Variants in MYH7 observed in about 807,000 individuals in gnomAD.
The protein encoded by MYH7 is myosin heavy chain 7, also known as myosin-7.
Under a neutral mutation model 225.4 loss-of-function variants are expected in MYH7, and 129 were observed. The ratio of observed to expected loss-of-function variants is 0.57; its 90% CI spans 0.50 to 0.66. The LOEUF (loss-of-function observed/expected upper bound fraction) is 0.66. MYH7 is among the 30% of genes least tolerant of loss of function. The pLI is 0.00. For synonymous variants in MYH7, 971 were observed against 1,007.6 expected (o/e 0.96, Z 0.69); for missense variants, 1,649 against 2,517.0 (o/e 0.66, Z 7.38).
In MYH7 at chr14:23,431,468, C is replaced by T. The variant is rs3218713; in HGVS notation, c.746G>A (p.Arg249Gln). 1 of 1,614,188 alleles carries T rather than the reference C, an allele frequency of 6.2e-7. No homozygotes were observed. Residue 249 changes from arginine to glutamine, a missense_variant, in exon 9 of 40, where the codon CGA (arginine) becomes CAA (glutamine). Around this residue, in one of 12 missense-constraint regions of MYH7, gnomAD observed 131 missense variants for 231.3 expected, o/e 0.57. Coordinates refer to ENST00000355349, the MANE Select transcript of MYH7 (RefSeq NM_000257.4). Reference protein sequence around the residue: ...DNSSRFGKFIRIHFGATGKLA... With the variant: ...DNSSRFGKFIQIHFGATGKLA... Reference sequence around the variant, plus strand: ...CTTTCCTGTTGCCCCAAAATGAATTCGAATGAATTTCCCCTGGAGAGATGG... The same window carrying T: ...CTTTCCTGTTGCCCCAAAATGAATTTGAATGAATTTCCCCTGGAGAGATGG...
intron 17 of MYH7, 51 bp downstream of exon 17, chr14:23,427,189 T>TGGGGTTGGGGGGGGGGGGGG: frequency 9.2e-7 from 1 of 1,086,078 alleles, no homozygotes; most frequent in Admixed American, 2.7e-5. Flanking sequence ...TGGGGCTGGG[T>TGGGGTTGGGGGGGGGGGGGG]GGGGTTGGGC....
intron 6 of MYH7, among the ~76,000 whole-genome samples, chr14:23,432,093 G>C (rs552769561): frequency 6.6e-6 from 1 of 152,236 alleles, no homozygotes; most frequent in Non-Finnish European, 1.5e-5. Flanking sequence ...GGCTGAGCCT[G>C]TGCTTGGCTG....
Position 23,428,958 on chromosome 14 carries a change from G to A in MYH7, c.1404C>T (p.Phe468=), listed in dbSNP as rs140218676. ...GVLDIAGFEI[F]DFNSFEQLCI... ...ACTCCCAGGGGTCCCAACTCACATC[G>A]AAGATCTCGAAGCCAGCGATGTCCA... Residue 468 remains phenylalanine (F), a synonymous_variant, in exon 14 of 40, where the codon TTC becomes TTT. Coordinates refer to ENST00000355349, the MANE Select transcript of MYH7 (RefSeq NM_000257.4). 30 of 1,614,168 alleles carry A rather than the reference G, an allele frequency of 1.9e-5. No individual in the cohort carries two copies. The highest frequency in any genetic ancestry group is 8.9e-5 in the East Asian group (4 of 44,866).
Position 23,433,675 on chromosome 14 carries a change from C to T in MYH7, c.58G>A (p.Glu20Lys). ...GAAAPYLRKS[E>K]KERLEAQTRP... ...GTCTGCGCTTCTAGCCGCTCCTTCT[C>T]TGACTTGCGCAGGTAGGGGGCGGCA... Residue 20 changes from glutamate to lysine, a missense_variant, in exon 3 of 40, where the codon GAG becomes AAG. Physicochemically the swap from Glu to Lys is moderately conservative, Grantham distance 56. Coordinates refer to ENST00000355349, the MANE Select transcript of MYH7 (RefSeq NM_000257.4). This position sits in a 1 kb window ranked among gnomAD's most constrained non-coding sequence, Gnocchi z 4.1. 1 of 1,614,264 alleles carries T rather than the reference C, an allele frequency of 6.2e-7. No homozygotes were observed. The highest frequency in any genetic ancestry group is 1.1e-5 in the South Asian group (1 of 91,092).
chr14:23,416,222 T>A lies in MYH7; in HGVS notation c.4735A>T (p.Lys1579Ter). Residue 1579 changes from lysine to a stop codon, truncating the protein, a stop_gained, in exon 34 of 40, where the codon AAG becomes TAG. Transcript: ENST00000355349. LOFTEE classifies it high-confidence loss of function. ...TTGGCCTGTTCCATCTCCTCGTCCT[T>A]CTCTGCCAGCTTCCGCTCGATCTCT... ...KAEIERKLAE[K>*]DEEMEQAKRN... 6.2e-7 allele frequency: 1 copy of A among 1,613,992 alleles called. No homozygotes were observed. The highest frequency in any genetic ancestry group is 8.5e-7 in the Non-Finnish European group (1 of 1,179,954).
At chr14:23,421,236 T>C (rs2138656795) in intron 25 of MYH7, among the ~76,000 whole-genome samples, 188 bp from the exon 26 acceptor site, 1 of 152,290 alleles carries the variant, frequency 6.6e-6, no homozygotes. Context: ...AAGAATGTAA[T>C]GGGAGGAGTG....
chr14:23,417,787 A>C, intron 30 of MYH7, 101 bp from the exon 31 acceptor site: 6 of 1,476,072 alleles, frequency 4.1e-6, no homozygotes, highest in Non-Finnish European at 4.6e-6. Context: ...TTGAAACCTC[A>C]GAAGTGTAGC....
rs958169569 is a variant in MYH7, at chr14:23,425,695, C to T, written c.2286G>A (p.Lys762=). The T allele has an allele frequency of 1.2e-6, 2 of 1,613,872 alleles. No individual in the cohort carries two copies. Among genetic ancestry groups the T allele is most frequent in the Non-Finnish European group, 1.7e-6 (2 of 1,179,872 alleles). ...TAATTAATTAGTCTCCTTTCCTCAC[C>T]TTGGTGTGGCCAAACTTGTACTGGT... is the stretch of plus-strand genomic sequence containing the variant. The part of the protein sequence containing the change: ...DHNQYKFGHT[K]VFFKAGLLGL... Residue 762 remains lysine, a splice_region_variant and synonymous_variant, in exon 20 of 40, where the codon AAG becomes AAA. Transcript: ENST00000355349. This position sits in a 1 kb window ranked among gnomAD's most constrained non-coding sequence, Gnocchi z 4.6.
In MYH7 at chr14:23,435,175, C is replaced by T. The variant is rs376398919; in HGVS notation, c.-65+445G>A. ...GCATGGACAGGGGTAGCTACACATTCCAGGCCTCACAGAATCACATGAAGG... is the reference window on the plus strand; with the variant it reads ...GCATGGACAGGGGTAGCTACACATTTCAGGCCTCACAGAATCACATGAAGG... On this transcript the variant is annotated intron_variant, in intron 1 of 39. Transcript: ENST00000355349. Among the ~76,000 whole-genome samples the T allele has an allele frequency of 6.8e-4, 104 of 152,168 alleles. 1 individual carries two copies. In the South Asian group the frequency reaches 0.011, roughly 16 times the overall value.
In MYH7 at chr14:23,415,052, T is replaced by C. The variant is rs1595071623; in HGVS notation, c.5502A>G (p.Ala1834=). 2 of 1,612,822 alleles carry C rather than the reference T, an allele frequency of 1.2e-6. No individual in the cohort carries two copies. The highest frequency in any genetic ancestry group is 1.7e-6 in the Non-Finnish European group (2 of 1,180,012). The change falls in exon 37 of 40, where the codon GCA becomes GCG. Residue 1834 remains alanine (A), a synonymous_variant. Transcript: ENST00000355349. This position sits in a 1 kb window ranked among gnomAD's most constrained non-coding sequence, Gnocchi z 6.3. ...NELEAEQKRN[A]ESVKGMRKSE... ...TCTTCCTCATGCCCTTCACCGACTC[T>C]GCGTTGCGCTTCTGCTCGGCCTCCA... is the stretch of plus-strand genomic sequence containing the variant.
chr14:23,432,690 G>T lies in MYH7; in HGVS notation c.451C>A (p.Pro151Thr). ...TCGGAGATGGAGAAGATGTGGGGCG[G>T]GGCCTCGCTCCTCTTCTTGCCCCGG... Reference protein sequence around the residue: ...AYRGKKRSEAPPHIFSISDNA... With the variant: ...AYRGKKRSEATPHIFSISDNA... The change falls in exon 5 of 40, where the codon CCG becomes ACG. Residue 151 changes from proline to threonine, a missense_variant. Physicochemically the swap from Pro to Thr is conservative, Grantham distance 38 (BLOSUM62 -1). Around this residue, in one of 12 missense-constraint regions of MYH7, gnomAD observed 77 missense variants for 144.0 expected, o/e 0.53. Transcript: ENST00000355349. The T allele has an allele frequency of 6.2e-7, 1 of 1,614,124 alleles. No homozygotes were observed. The highest frequency in any genetic ancestry group is 8.5e-7 in the Non-Finnish European group (1 of 1,180,034).
intron 30 of MYH7, 110 bp downstream of exon 30, chr14:23,418,100 T>G (rs1892302911): frequency 6.6e-7 from 1 of 1,520,200 alleles, no homozygotes; most frequent in Non-Finnish European, 9.1e-7. Flanking sequence ...CCTCCTGTGT[T>G]GTCAAACACT....
chr14:23,413,190 G>A (rs775476563), intron 39 of MYH7, among the ~76,000 whole-genome samples: 53 of 152,224 alleles, frequency 3.5e-4, no homozygotes, highest in Non-Finnish European at 6.0e-4. Flanking sequence ...CTGGAAACTA[G>A]CAGTTGGGGG....
At chr14:23,422,067 C>T in intron 25 of MYH7, 113 bp downstream of exon 25, 7 of 1,528,398 alleles carry the variant, frequency 4.6e-6, no homozygotes, top group Non-Finnish European at 4.5e-6. Context: ...TGGTTTGCGC[C>T]TCCACTTGTG....
intron 29 of MYH7, 55 bp from the exon 30 acceptor site, chr14:23,418,461 C>T: frequency 6.5e-7 from 1 of 1,535,188 alleles, no homozygotes; most frequent in Admixed American, 1.9e-5. Flanking sequence ...AAAGCAACCC[C>T]ACCCTTGCCC....
chr14:23,427,675 GA>G lies in MYH7; in HGVS notation c.1797del (p.Pro600LeufsTer56). The G allele has an allele frequency of 6.2e-7, 1 of 1,614,188 alleles. No homozygotes were observed. Among genetic ancestry groups the G allele is most frequent in the Non-Finnish European group, 8.5e-7 (1 of 1,180,046 alleles). On this transcript the variant is annotated frameshift_variant, in exon 16 of 40. Coordinates refer to ENST00000355349, the MANE Select transcript of MYH7 (RefSeq NM_000257.4). LOFTEE classifies it high-confidence loss of function. Reference protein sequence around the residue: ...NIIGWLQKNKDPLNETVVGLY... With the variant: ...NIIGWLQKNKXPLNETVVGLY... ...AAGCCCACGACAGTCTCATTGAGAGGATCCTTGTTCTTCTGCAGCCAGCCAA... is the reference window on the plus strand; with the variant it reads ...AAGCCCACGACAGTCTCATTGAGAGGTCCTTGTTCTTCTGCAGCCAGCCAA...
intron 9 of MYH7, 67 bp from the exon 10 acceptor site, chr14:23,431,066 G>A: frequency 5.9e-6 from 7 of 1,178,592 alleles, no homozygotes; most frequent in Non-Finnish European, 7.6e-6. Flanking sequence ...GAAAATTAAT[G>A]ATAAATGTAG....
chr14:23,430,810 AAC>A, intron 10 of MYH7, 89 bp downstream of exon 10: 1 of 1,278,818 alleles, frequency 7.8e-7, no homozygotes, highest in Non-Finnish European at 1.1e-6. Context: ...AGTGCCATGA[AAC>A]CCAGGGCATG....
Position 23,433,589 on chromosome 14 carries a change from C to T in MYH7, c.144G>A (p.Lys48=), listed in dbSNP as rs1274939670. The stretch of plus-strand genomic sequence containing the variant: ...CACCCTCTCGAGACACGATCTTGGC[C>T]TTGACAAACTCCTGTTTGTCATCAG... ...FVPDDKQEFV[K]AKIVSREGGK... is the part of the protein sequence containing the mutation. Residue 48 remains lysine (K), a synonymous_variant, in exon 3 of 40, where the codon AAG becomes AAA. Transcript: ENST00000355349. The surrounding 1 kb of genome is among the most constrained non-coding windows in gnomAD (Gnocchi z 4.1). 2.5e-6 allele frequency: 4 copies of T among 1,614,234 alleles called. No homozygotes were observed. The highest frequency in any genetic ancestry group is 3.4e-6 in the Non-Finnish European group (4 of 1,180,034).
Sources: allele counts gnomAD v4.1 joint callset (sites outside exome capture counted in the v4.1 genomes callset), GRCh38; gene constraint gnomAD v4.1.1; regional missense constraint gnomAD v4.1.1; non-coding constraint Gnocchi (gnomAD v3.1); transcripts MANE v1.5; gene names NCBI Gene and HGNC (gene_info 2026-07-23, HGNC 2026-07-21).